Variants in DNAH11 observed in about 807,000 individuals in gnomAD.
DNAH11 encodes axonemal beta dynein heavy chain 11.
Under a neutral mutation model 526.0 loss-of-function variants are expected in DNAH11, and 442 were observed. That is an observed-to-expected ratio of 0.84 (90% CI 0.78 to 0.91). The LOEUF (loss-of-function observed/expected upper bound fraction) is 0.91. DNAH11 is among the 40% of genes least tolerant of loss of function. DNAH11 has a pLI of 0.00. For synonymous variants in DNAH11, 2,461 were observed against 1,935.9 expected, an observed-to-expected ratio of 1.27 and a Z score of -7.12; for missense variants, 6,989 against 5,448.7, an observed-to-expected ratio of 1.28 and a Z score of -8.90.
chr7:21,750,497 C>T, intron 54 of DNAH11, 133 bp downstream of exon 54: 2 of 1,199,454 alleles, frequency 1.7e-6, no homozygotes, highest in Non-Finnish European at 2.3e-6. Flanking sequence ...TTTTTACACG[C>T]CTGTATCTGG....
At chr7:21,611,139 G>T (rs983917845) in intron 20 of DNAH11, among the ~76,000 whole-genome samples, 3 of 152,134 alleles carry the variant, frequency 2.0e-5, no homozygotes, top group African/African-American at 7.2e-5. Context: ...AATTGGCTGG[G>T]GGCCCAGATA....
chr7:21,620,226 AT>A, intron 25 of DNAH11, 148 bp downstream of exon 25: 76 of 707,224 alleles, frequency 1.1e-4, no homozygotes, highest in South Asian at 1.2e-4. Flanking sequence ...TACACTTAAC[AT>A]TTTTTTTGTG....
At chr7:21,666,166 A>G (rs1009789639) in intron 30 of DNAH11, among the ~76,000 whole-genome samples, 2 of 152,146 alleles carry the variant, frequency 1.3e-5, no homozygotes, top group African/African-American at 4.8e-5. Context: ...TAATAATTTT[A>G]AACTCTATTT....
intron 56 of DNAH11, among the ~76,000 whole-genome samples, chr7:21,778,492 A>G (rs1787782288): frequency 6.6e-6 from 1 of 152,160 alleles, no homozygotes; most frequent in Admixed American, 6.5e-5. Flanking sequence ...CAGCCAATTA[A>G]TCTGCAGTCA....
chr7:21,801,321 G>A, intron 62 of DNAH11, 46 bp downstream of exon 62: 1 of 1,601,870 alleles, frequency 6.2e-7, no homozygotes, highest in Non-Finnish European at 8.5e-7. Flanking sequence ...GTTCAGATCA[G>A]CTTGTGGGGA....
Position 21,698,094 on chromosome 7 carries a change from C to G in DNAH11, c.6061C>G (p.Pro2021Ala), listed in dbSNP as rs1449033217. 1 of 1,612,614 alleles carries G rather than the reference C, an allele frequency of 6.2e-7. No individual in the cohort carries two copies. Among genetic ancestry groups the G allele is most frequent in the African/African-American group, 1.3e-5 (1 of 74,818 alleles). ...ALFRPCAMVAPDIELICEILL... is the reference protein window; with the variant it reads ...ALFRPCAMVAADIELICEILL... ...TTTTAGACCCTGTGCCATGGTGGCC[C>G]CTGACATTGAGCTAATCTGTGAAAT... The change falls in exon 36 of 82, where the codon CCT (proline) becomes GCT (alanine). Residue 2021 changes from proline to alanine, a missense_variant. Transcript: ENST00000409508.
At chr7:21,657,168 A>T (rs1340681401) in intron 29 of DNAH11, among the ~76,000 whole-genome samples, 1 of 151,018 alleles carries the variant, frequency 6.6e-6, no homozygotes, top group African/African-American at 2.5e-5. Flanking sequence ...AGATGCTTTT[A>T]ATTTGGTGCT....
rs761651282 is a variant in DNAH11 at position 21,711,762 on chromosome 7, G to A, written c.6885G>A (p.Arg2295=). The A allele has an allele frequency of 6.8e-6, 11 of 1,613,868 alleles. No individual in the cohort carries two copies. In the East Asian group the frequency reaches 2.2e-4, roughly 33 times the overall value. The change falls in exon 42 of 82, where the codon AGG becomes AGA. Residue 2295 remains arginine, a synonymous_variant. Transcript: ENST00000409508. The part of the protein sequence containing the change: ...NERIALTPFM[R]LLFEIHHLRS... Reference sequence around the variant, plus strand: ...GCATTGCACTCACTCCCTTCATGAGGCTTCTGTTTGAGATACATCACTTAA... The same window carrying A: ...GCATTGCACTCACTCCCTTCATGAGACTTCTGTTTGAGATACATCACTTAA...
chr7:21,750,190 C>A (rs762236792), intron 53 of DNAH11, 32 bp from the exon 54 acceptor site: 82 of 1,547,534 alleles, frequency 5.3e-5, no homozygotes, highest in Non-Finnish European at 6.9e-5. Context: ...TTGCAATGAT[C>A]TTTTAGTAAT....
chr7:21,704,971 C>T (rs6955998), intron 38 of DNAH11, among the ~76,000 whole-genome samples: 1 of 151,990 alleles, frequency 6.6e-6, no homozygotes, highest in African/African-American at 2.4e-5. Context: ...TCATTAGTGC[C>T]TGCTTTTAAT....
intron 25 of DNAH11, among the ~76,000 whole-genome samples, chr7:21,630,072 A>G (rs1469696564): frequency 2.0e-5 from 3 of 151,728 alleles, no homozygotes; most frequent in African/African-American, 7.3e-5. Context: ...TTTTTAGTGA[A>G]TCCATTACAG....
intron 54 of DNAH11, among the ~76,000 whole-genome samples, chr7:21,763,835 T>C (rs997136853): frequency 2.0e-5 from 3 of 150,166 alleles, no homozygotes; most frequent in Admixed American, 1.3e-4. Flanking sequence ...TATATATATA[T>C]ACACACACAA....
At chr7:21,597,949 T>C (rs1232362713) in intron 14 of DNAH11, among the ~76,000 whole-genome samples, 2 of 152,174 alleles carry the variant, frequency 1.3e-5, no homozygotes, top group Admixed American at 6.5e-5. Flanking sequence ...ATTACACAGA[T>C]GTGAATGGTT....
chr7:21,730,020 C>T (rs1315944415), intron 45 of DNAH11, among the ~76,000 whole-genome samples: 9 of 152,198 alleles, frequency 5.9e-5, no homozygotes, highest in Admixed American at 2.6e-4. Flanking sequence ...AACCTTTGCA[C>T]ACTGTTGGTG....
At chr7:21,858,057 A>G (rs1363200780) in intron 68 of DNAH11, among the ~76,000 whole-genome samples, 1 of 152,238 alleles carries the variant, frequency 6.6e-6, no homozygotes, top group Non-Finnish European at 1.5e-5. Context: ...GGATATAAAA[A>G]GAACTTGTAC....
chr7:21,768,651 C>A (rs73277706), intron 55 of DNAH11, among the ~76,000 whole-genome samples: 3,101 of 152,300 alleles, frequency 0.02, 110 homozygotes, highest in African/African-American at 0.07. Context: ...AGTTATTCCC[C>A]ATGCAACCAC....
chr7:21,648,054 A>T (rs188308863), intron 28 of DNAH11, among the ~76,000 whole-genome samples: 1 of 152,192 alleles, frequency 6.6e-6, no homozygotes, highest in Non-Finnish European at 1.5e-5. Context: ...TACCAAAAAC[A>T]TAGAAACATT....
chr7:21,701,318 C>A (rs1473500844), intron 36 of DNAH11, among the ~76,000 whole-genome samples: 1 of 150,290 alleles, frequency 6.7e-6, no homozygotes, highest in Admixed American at 6.6e-5. Context: ...GAGACAGTGC[C>A]TCGCTTTGTT....
chr7:21,854,493 G>C, intron 68 of DNAH11, 38 bp downstream of exon 68: 1 of 1,588,762 alleles, frequency 6.3e-7, no homozygotes, highest in Non-Finnish European at 8.6e-7. Context: ...GGAAACTTTA[G>C]GAGTTCAATT....
Sources: gnomAD v4.1 joint callset for allele counts (sites outside exome capture counted in the v4.1 genomes callset) on GRCh38, gnomAD v4.1.1 for gene constraint, MANE v1.5 for transcripts, NCBI Gene and HGNC (gene_info 2026-07-23, HGNC 2026-07-21) for gene names.